The following AGBL4 variants were observed in gnomAD, a reference collection of about 807,000 sequenced individuals.
The protein encoded by AGBL4 is AGBL carboxypeptidase 4, also known as cytosolic carboxypeptidase 6.
A neutral mutation model predicts 66.4 loss-of-function variants in AGBL4; 58 were observed. The observed-to-expected ratio is 0.87, with a 90% CI of 0.71 to 1.09. The LOEUF (loss-of-function observed/expected upper bound fraction) is 1.09. Ranked by LOEUF, AGBL4 falls within the 50% of genes least tolerant of loss-of-function variation. The pLI, the probability that AGBL4 is intolerant of heterozygous loss-of-function variation, is 0.00. For missense variants in AGBL4, 579 were observed against 631.0 expected, an observed-to-expected ratio of 0.92 and a Z score of 0.88; for synonymous variants, 234 against 222.9, an observed-to-expected ratio of 1.05 and a Z score of -0.44.
At chr1:48,907,375 A>G (rs940639308) in intron 5 of AGBL4, among the ~76,000 whole-genome samples, 13 of 152,228 alleles carry the variant, frequency 8.5e-5, no homozygotes, top group Non-Finnish European at 1.9e-4. Flanking sequence ...CTGTCATACT[A>G]TGTTGCTGAA....
intron 6 of AGBL4, among the ~76,000 whole-genome samples, chr1:48,787,157 C>A (rs1191592773): frequency 6.6e-6 from 1 of 152,142 alleles, no homozygotes; most frequent in Non-Finnish European, 1.5e-5. Context: ...GACTCTAGAG[C>A]CCCAGCCATG....
At chr1:48,767,976 T>A (rs1479138499) in intron 6 of AGBL4, among the ~76,000 whole-genome samples, 1 of 152,156 alleles carries the variant, frequency 6.6e-6, no homozygotes, top group Non-Finnish European at 1.5e-5. Flanking sequence ...CTATATTTAA[T>A]CCCTACAATA....
intron 2 of AGBL4, among the ~76,000 whole-genome samples, chr1:49,828,782 A>G (rs1428629499): frequency 1.3e-5 from 2 of 152,212 alleles, no homozygotes; most frequent in Non-Finnish European, 2.9e-5. Flanking sequence ...AGTGAAAGGA[A>G]GCAAGAGGCC....
At chr1:48,807,057 A>T (rs948251268) in intron 6 of AGBL4, among the ~76,000 whole-genome samples, 6 of 152,328 alleles carry the variant, frequency 3.9e-5, no homozygotes, top group African/African-American at 1.4e-4. Flanking sequence ...GCCACTTGCC[A>T]CGTCTCTTCA....
chr1:49,556,355 C>T (rs543823455), intron 3 of AGBL4, among the ~76,000 whole-genome samples: 1 of 152,108 alleles, frequency 6.6e-6, no homozygotes, highest in East Asian at 1.9e-4. Context: ...GGAAGGGGAA[C>T]ATCACATACT....
intron 1 of AGBL4, among the ~76,000 whole-genome samples, chr1:49,882,439 C>A (rs1336456792): frequency 1.3e-5 from 2 of 151,106 alleles, no homozygotes; most frequent in African/African-American, 4.9e-5. Flanking sequence ...TCATTGGTAG[C>A]TTGATGGGGA....
At chr1:49,139,407 T>C (rs930553308) in intron 4 of AGBL4, among the ~76,000 whole-genome samples, 1 of 152,154 alleles carries the variant, frequency 6.6e-6, no homozygotes, top group Non-Finnish European at 1.5e-5. Context: ...TCATCCATTC[T>C]CTTACTATTT....
At chr1:50,013,991 T>C (rs907423555) in intron 1 of AGBL4, among the ~76,000 whole-genome samples, 1 of 152,124 alleles carries the variant, frequency 6.6e-6, no homozygotes, top group East Asian at 1.9e-4. Flanking sequence ...ATTGGTAGAG[T>C]TGAATGTTTT....
In AGBL4 at chr1:48,867,237, A is replaced by C. The variant is rs764055566; in HGVS notation, c.595-7T>G. ...GGTCAAGCTTTCGTTGTTGCTGCAA[A>C]AGAAAACACACTGTGAGGGCACTGA... is the stretch of plus-strand genomic sequence containing the variant. On this transcript the variant is annotated splice_polypyrimidine_tract_variant and splice_region_variant and intron_variant, in intron 5 of 13. Transcript: ENST00000371839. The C allele has an allele frequency of 8.1e-6, 13 of 1,613,382 alleles. No homozygotes were observed. In the Middle Eastern group the frequency reaches 5.0e-4, roughly 61 times the overall value.
intron 2 of AGBL4, among the ~76,000 whole-genome samples, chr1:49,757,168 C>G (rs1651947571): frequency 6.6e-6 from 1 of 152,156 alleles, no homozygotes; most frequent in Non-Finnish European, 1.5e-5. Flanking sequence ...TCTCACTTCT[C>G]TCTCCTGCTA....
At chr1:49,603,603 G>C (rs1645006813) in intron 3 of AGBL4, among the ~76,000 whole-genome samples, 1 of 151,360 alleles carries the variant, frequency 6.6e-6, no homozygotes, top group African/African-American at 2.4e-5. Flanking sequence ...AGAGTTTAAG[G>C]CCTCTAGGAG....
intron 6 of AGBL4, among the ~76,000 whole-genome samples, chr1:48,819,775 T>C (rs1646269578): frequency 6.6e-6 from 1 of 152,226 alleles, no homozygotes; most frequent in African/African-American, 2.4e-5. Context: ...CATCCACCAA[T>C]GTATGGTGTT....
chr1:49,991,559 T>C (rs72905779), intron 1 of AGBL4, among the ~76,000 whole-genome samples: 1,755 of 152,278 alleles, frequency 0.012, 32 homozygotes, highest in African/African-American at 0.031. Context: ...ATACACACTT[T>C]CATCAGTTTT....
At chr1:49,606,893 C>A (rs958394594) in intron 3 of AGBL4, among the ~76,000 whole-genome samples, 12 of 152,048 alleles carry the variant, frequency 7.9e-5, no homozygotes, top group Non-Finnish European at 1.6e-4. Flanking sequence ...TTCATGGCAT[C>A]ACAGGAGGCA....
intron 6 of AGBL4, among the ~76,000 whole-genome samples, chr1:48,797,903 A>G (rs1645727092): frequency 6.6e-6 from 1 of 152,184 alleles, no homozygotes; most frequent in African/African-American, 2.4e-5. Context: ...GGCTGGTTCC[A>G]TATTTTTGCA....
intron 6 of AGBL4, among the ~76,000 whole-genome samples, chr1:48,752,024 T>G (rs1651820675): frequency 6.6e-6 from 1 of 152,212 alleles, no homozygotes; most frequent in Admixed American, 6.5e-5. Flanking sequence ...TTCTTATTAC[T>G]AGGTCTCTTC....
At chr1:48,615,400 T>C (rs1365297605) in intron 9 of AGBL4, among the ~76,000 whole-genome samples, 2 of 152,160 alleles carry the variant, frequency 1.3e-5, no homozygotes, top group African/African-American at 4.8e-5. Flanking sequence ...CTCCTCCCCA[T>C]AGGAGAGTAG....
intron 6 of AGBL4, among the ~76,000 whole-genome samples, chr1:48,834,151 A>G (rs1558027306): frequency 6.6e-6 from 1 of 152,158 alleles, no homozygotes; most frequent in Non-Finnish European, 1.5e-5. Context: ...CTACCCTAGC[A>G]CTGTATTCTG....
intron 5 of AGBL4, among the ~76,000 whole-genome samples, chr1:48,976,295 A>G (rs1485867774): frequency 5.3e-5 from 8 of 152,126 alleles, no homozygotes; most frequent in African/African-American, 4.8e-5. Context: ...ATCAATATAC[A>G]AAGAGGCCAT....
Sources: allele counts gnomAD v4.1 joint callset (sites outside exome capture counted in the v4.1 genomes callset), GRCh38; gene constraint gnomAD v4.1.1; transcripts MANE v1.5; gene names NCBI Gene and HGNC (gene_info 2026-07-23, HGNC 2026-07-21).